DDX6: variants seen among roughly 807,000 people sequenced by gnomAD.
The protein encoded by DDX6 is probable ATP-dependent RNA helicase DDX6.
DDX6 carries 7 observed loss-of-function variants against 60.6 expected under a neutral mutation model. That is an observed-to-expected ratio of 0.12 (90% CI 0.07 to 0.22). The LOEUF is 0.22. DDX6 is among the 10% of genes least tolerant of loss of function. DDX6 has a pLI of 1.00. For missense variants in DDX6, 270 were observed against 589.9 expected, an observed-to-expected ratio of 0.46 and a Z score of 5.62; for synonymous variants, 207 against 201.0, an observed-to-expected ratio of 1.03 and a Z score of -0.25.
chr11:118,773,861 A>AC (rs1270379955), intron 4 of DDX6, among the ~76,000 whole-genome samples: 1 of 143,466 alleles, frequency 7.0e-6, no homozygotes, highest in Non-Finnish European at 1.6e-5. Flanking sequence ...CAAAACACAC[A>AC]CCAAAAAAAA....
intron 5 of DDX6, chr11:118,767,628 T>TG: frequency 1.1e-5 from 1 of 92,302 alleles, no homozygotes; most frequent in East Asian, 2.9e-4. Context: ...TCAGCCGCCT[T>TG]TTTTTTTTTT....
chr11:118,788,403 T>C (rs1192105044), intron 1 of DDX6: 1 of 152,258 alleles, frequency 6.6e-6, no homozygotes, highest in Non-Finnish European at 1.5e-5. Flanking sequence ...TTTTATTTTT[T>C]ATTGTATTTT....
In DDX6 at chr11:118,774,280, C is replaced by A. The variant is rs782313549; in HGVS notation, c.369+5352G>T. 8.4e-4 allele frequency among the ~76,000 whole-genome samples: 127 copies of A among 152,066 alleles called. 2 individuals carry two copies. The highest frequency in any genetic ancestry group is 3.8e-4 in the Non-Finnish European group (26 of 68,014). On this transcript the variant is annotated intron_variant, in intron 4 of 13. Coordinates refer to ENST00000534980, the MANE Select transcript of DDX6 (RefSeq NM_004397.6). ...TAAGCCTTCCAAAGAAGTCTAGGTT[C>A]CTATAAAGCTATACCTTTAGAATGG... is the stretch of plus-strand genomic sequence containing the variant.
Position 118,749,943 on chromosome 11 carries a change from A to G in DDX6, c.*2162T>C, listed in dbSNP as rs553853554. The G allele has an allele frequency of 1.3e-5, 2 of 152,540 alleles. No individual in the cohort carries two copies. The highest frequency in any genetic ancestry group is 2.9e-5 in the Non-Finnish European group (2 of 68,024). 9.4% of individuals were successfully genotyped at this position (152,540 alleles called of 1,614,324 possible). On this transcript the variant is annotated 3_prime_UTR_variant, in exon 14 of 14. Transcript: ENST00000534980. ...GGGTTTGTACCGTGCAGTTCTTGCT[A>G]CAGTTGTTAAGGAGTTAGGGCTATG...
At chr11:118,774,007 A>G (rs767473139) in intron 4 of DDX6, among the ~76,000 whole-genome samples, 1 of 152,224 alleles carries the variant, frequency 6.6e-6, no homozygotes, top group African/African-American at 2.4e-5. Flanking sequence ...TATAAATAGT[A>G]AACTATTAAT....
intron 2 of DDX6, among the ~76,000 whole-genome samples, chr11:118,781,669 A>T (rs1485634998): frequency 6.6e-6 from 1 of 152,084 alleles, no homozygotes; most frequent in Non-Finnish European, 1.5e-5. Context: ...GGCTCCCATC[A>T]GTAATCCCAG....
intron 1 of DDX6, chr11:118,790,805 G>GC (rs1181899802): frequency 1.3e-5 from 2 of 152,194 alleles, no homozygotes; most frequent in African/African-American, 4.9e-5. Context: ...CGGCCCGGGG[G>GC]GCTCCCCACA....
chr11:118,768,070 C>A (rs1394389586), intron 5 of DDX6, 153 bp downstream of exon 5: 10 of 674,910 alleles, frequency 1.5e-5, no homozygotes, highest in Non-Finnish European at 2.1e-5. Context: ...AATAAAAAGA[C>A]CATCATCAGG....
chr11:118,774,983 G>A (rs539998962), intron 4 of DDX6, among the ~76,000 whole-genome samples: 5 of 152,278 alleles, frequency 3.3e-5, no homozygotes, highest in African/African-American at 1.2e-4. Context: ...TTTACCAGGG[G>A]GGTGATGGGT....
intron 9 of DDX6, 108 bp downstream of exon 9, chr11:118,758,666 G>T: frequency 1.4e-6 from 2 of 1,381,764 alleles, no homozygotes; most frequent in Non-Finnish European, 1.9e-6. Flanking sequence ...TGCCAAGCCA[G>T]AAACACTACG....
At chr11:118,760,561 G>A (rs782770557) in intron 7 of DDX6, among the ~76,000 whole-genome samples, 20 of 152,154 alleles carry the variant, frequency 1.3e-4, no homozygotes, top group African/African-American at 1.7e-4. Flanking sequence ...GGTGGCTCAC[G>A]CCTGTAATCC....
At chr11:118,756,010 TC>T (rs1173297858) in intron 11 of DDX6, among the ~76,000 whole-genome samples, 1 of 39,412 alleles carries the variant, frequency 2.5e-5, no homozygotes, top group South Asian at 1.9e-3. Flanking sequence ...AAAGATTCCA[TC>T]CCCCTCCCCC....
chr11:118,761,872 A>C (rs1565564708), intron 7 of DDX6, among the ~76,000 whole-genome samples: 1 of 151,818 alleles, frequency 6.6e-6, no homozygotes, highest in African/African-American at 2.4e-5. Flanking sequence ...AAAAAAAAAA[A>C]AAAAAACAAA....
chr11:118,757,763 G>A (rs781944961), intron 9 of DDX6, among the ~76,000 whole-genome samples: 11 of 151,990 alleles, frequency 7.2e-5, no homozygotes, highest in Non-Finnish European at 1.3e-4. Flanking sequence ...GCTAACTTTT[G>A]TATTTTTAGT....
chr11:118,757,130 ATTTCTTATT>A, intron 10 of DDX6, 32 bp downstream of exon 10: 1 of 1,005,818 alleles, frequency 9.9e-7, no homozygotes, highest in Non-Finnish European at 1.4e-6. Context: ...AAAGAAAGAG[ATTTCTTATT>A]AAATTTGTGC....
intron 2 of DDX6, 107 bp from the exon 3 acceptor site, chr11:118,781,291 T>C (rs1861891431): frequency 4.4e-6 from 3 of 677,466 alleles, no homozygotes; most frequent in Non-Finnish European, 7.7e-6. Context: ...AAGTTTAATA[T>C]ATTCCATTTA....
At chr11:118,787,217 A>T (rs988376343) in intron 1 of DDX6, 2 of 152,320 alleles carry the variant, frequency 1.3e-5, no homozygotes, top group African/African-American at 2.4e-5. Context: ...CATGCCTGTA[A>T]TCCCAGCACT....
At chr11:118,765,749 G>C (rs1322749156) in intron 5 of DDX6, among the ~76,000 whole-genome samples, 1 of 147,082 alleles carries the variant, frequency 6.8e-6, no homozygotes, top group African/African-American at 2.5e-5. Flanking sequence ...ACTCCAGCCT[G>C]GGCGACAGAG....
Position 118,754,894 on chromosome 11 carries a change from A to G in DDX6, c.1277-7T>C. ...CCAAGATGACCAAAGCGACCTAAAA[A>G]ACATGCGTTTAAAAATTTTAATGAA... is the stretch of plus-strand genomic sequence containing the variant. On this transcript the variant is annotated splice_polypyrimidine_tract_variant and splice_region_variant and intron_variant, in intron 12 of 13. Coordinates refer to ENST00000534980, the MANE Select transcript of DDX6 (RefSeq NM_004397.6). 6.3e-7 allele frequency: 1 copy of G among 1,589,804 alleles called. No homozygotes were observed. The highest frequency in any genetic ancestry group is 8.5e-7 in the Non-Finnish European group (1 of 1,173,268).
Sources: gnomAD v4.1 joint callset for allele counts (sites outside exome capture counted in the v4.1 genomes callset) on GRCh38, gnomAD v4.1.1 for gene constraint, MANE v1.5 for transcripts, NCBI Gene and HGNC (gene_info 2026-07-23, HGNC 2026-07-21) for gene names.